The following KSR1 variants were observed in gnomAD, a reference collection of about 807,000 sequenced individuals.
KSR1 encodes kinase suppressor of ras.
A neutral mutation model predicts 92.9 loss-of-function variants in KSR1; 35 were observed. The ratio of observed to expected loss-of-function variants is 0.38; its 90% CI spans 0.29 to 0.50. KSR1 has a LOEUF of 0.50. Among genes scored for constraint, KSR1 ranks in the 20% least tolerant of loss-of-function variants. The pLI, the probability that KSR1 is intolerant of heterozygous loss-of-function variation, is 0.94. For synonymous variants in KSR1, 467 were observed against 472.6 expected, an observed-to-expected ratio of 0.99 and a Z score of 0.15; for missense variants, 972 against 1,158.5, an observed-to-expected ratio of 0.84 and a Z score of 2.34.
intron 18 of KSR1, among the ~76,000 whole-genome samples, chr17:27,616,868 C>T (rs540093662): frequency 3.3e-5 from 5 of 152,316 alleles, no homozygotes; most frequent in Non-Finnish European, 4.4e-5. Flanking sequence ...TCACTCCAGC[C>T]GCCATTCTAG....
intron 1 of KSR1, among the ~76,000 whole-genome samples, chr17:27,503,518 A>G (rs1232071531): frequency 6.6e-6 from 1 of 152,192 alleles, no homozygotes; most frequent in Non-Finnish European, 1.5e-5. Flanking sequence ...ATCTAAAGAG[A>G]AGACAAAATC....
intron 2 of KSR1, among the ~76,000 whole-genome samples, chr17:27,571,501 G>C (rs2072305807): frequency 6.6e-6 from 1 of 152,184 alleles, no homozygotes; most frequent in Non-Finnish European, 1.5e-5. Context: ...CTGGGCTCTG[G>C]CCTCAGAGGG....
intron 2 of KSR1, among the ~76,000 whole-genome samples, chr17:27,555,113 A>G (rs577293409): frequency 6.6e-6 from 1 of 152,238 alleles, no homozygotes; most frequent in African/African-American, 2.4e-5. Flanking sequence ...ATTTTGATTT[A>G]TCATGTCTCC....
At chr17:27,540,063 G>A (rs1481821116) in intron 1 of KSR1, among the ~76,000 whole-genome samples, 1 of 152,208 alleles carries the variant, frequency 6.6e-6, no homozygotes, top group African/African-American at 2.4e-5. Context: ...AGCATCATGG[G>A]TGCTTTTAAA....
At chr17:27,558,930 T>C (rs1439121467) in intron 2 of KSR1, among the ~76,000 whole-genome samples, 1 of 152,196 alleles carries the variant, frequency 6.6e-6, no homozygotes, top group East Asian at 1.9e-4. Flanking sequence ...GCTTCATGAC[T>C]AGGACTTTGA....
intron 1 of KSR1, among the ~76,000 whole-genome samples, chr17:27,534,486 G>C (rs1338976891): frequency 2.0e-5 from 3 of 152,216 alleles, no homozygotes; most frequent in African/African-American, 7.2e-5. Context: ...TTGCAGATAA[G>C]GAAACTGAGG....
intron 1 of KSR1, among the ~76,000 whole-genome samples, chr17:27,524,762 A>C (rs72847762): frequency 0.09 from 13,687 of 152,226 alleles, 832 homozygotes; most frequent in Non-Finnish European, 0.13. Context: ...CTCCAGTAGC[A>C]ATTATAGGAG....
chr17:27,500,898 A>T (rs142387427), intron 1 of KSR1, among the ~76,000 whole-genome samples: 5 of 152,228 alleles, frequency 3.3e-5, no homozygotes, highest in Non-Finnish European at 7.3e-5. Context: ...CCTTGGCTTT[A>T]TCAGGAGATC....
chr17:27,569,981 G>A (rs964971458), intron 2 of KSR1, among the ~76,000 whole-genome samples: 5 of 152,226 alleles, frequency 3.3e-5, no homozygotes, highest in African/African-American at 1.2e-4. Flanking sequence ...GTGACAGCGG[G>A]TGCAGCTGGA....
intron 1 of KSR1, among the ~76,000 whole-genome samples, chr17:27,509,149 T>C (rs2069502954): frequency 6.6e-6 from 1 of 152,170 alleles, no homozygotes; most frequent in Non-Finnish European, 1.5e-5. Flanking sequence ...GTTTCCTACA[T>C]TCCAGGCATT....
chr17:27,577,745 T>G lies in KSR1; in HGVS notation c.520+106T>G, dbSNP rs1429441347. On this transcript the variant is annotated intron_variant, in intron 3 of 20. Transcript: ENST00000644974. The surrounding 1 kb of genome is among the most constrained non-coding windows in gnomAD (Gnocchi z 4.5). ...CGGGGCAAGCGTGGCCCAGGGTTTC[T>G]GGGGCAGCCTGGAAAGGCCAGGGTT... 1 of 954,826 alleles carries G rather than the reference T, an allele frequency of 1.0e-6. No homozygotes were observed. Among genetic ancestry groups the G allele is most frequent in the Non-Finnish European group, 1.6e-6 (1 of 616,366 alleles). 59.1% of individuals were successfully genotyped at this position (954,826 alleles called of 1,614,324 possible).
chr17:27,481,368 C>A (rs965251357), intron 1 of KSR1, among the ~76,000 whole-genome samples: 1 of 152,180 alleles, frequency 6.6e-6, no homozygotes, highest in African/African-American at 2.4e-5. Context: ...TGGCTGATTT[C>A]TTCTGAAGTC....
rs986092730 is a variant in KSR1 at position 27,503,464 on chromosome 17, C to A, written c.231+46590C>A. Among the ~76,000 whole-genome samples, 6 of 152,084 alleles carry A rather than the reference C, an allele frequency of 3.9e-5. No individual in the cohort carries two copies. The East Asian group carries it at 1.2e-3, about 29-fold the overall frequency. ...CTCTAATCCCAGCACTTTGGGAGGC[C>A]GAGGTGGGCAAATCACTTGAGGTCA... On this transcript the variant is annotated intron_variant, in intron 1 of 20. Transcript: ENST00000644974.
chr17:27,562,969 C>T (rs1249099258), intron 2 of KSR1, among the ~76,000 whole-genome samples: 1 of 152,184 alleles, frequency 6.6e-6, no homozygotes, highest in Non-Finnish European at 1.5e-5. Context: ...GCTGCTCTTG[C>T]TGGAAACCTG....
intron 1 of KSR1, among the ~76,000 whole-genome samples, chr17:27,548,813 T>C (rs1017277621): frequency 2.7e-5 from 4 of 148,660 alleles, no homozygotes; most frequent in Non-Finnish European, 3.0e-5. Flanking sequence ...CTGCCAGCCT[T>C]GGTGACCATC....
chr17:27,566,518 TG>T, intron 2 of KSR1: 1 of 399,102 alleles, frequency 2.5e-6, no homozygotes, highest in Non-Finnish European at 4.4e-6. Context: ...CCCCCACCTC[TG>T]GGGATGCCAA....
chr17:27,558,694 CTGT>C, intron 2 of KSR1, among the ~76,000 whole-genome samples: 1 of 135,120 alleles, frequency 7.4e-6, no homozygotes, highest in Non-Finnish European at 1.6e-5. Context: ...GTCTGTCTTT[CTGT>C]TTTTTGTTTT....
intron 18 of KSR1, among the ~76,000 whole-genome samples, chr17:27,616,631 T>A (rs2074062650): frequency 6.6e-6 from 1 of 152,124 alleles, no homozygotes; most frequent in Non-Finnish European, 1.5e-5. Flanking sequence ...AAAGCCTGAG[T>A]TGCTGAGTCT....
In KSR1 at chr17:27,582,883, C is replaced by T. The variant is rs772063252; in HGVS notation, c.758C>T (p.Pro253Leu). 5 of 1,613,216 alleles carry T rather than the reference C, an allele frequency of 3.1e-6. No homozygotes were observed. In the South Asian group the frequency reaches 5.5e-5, roughly 18 times the overall value. ...GAGGGCCTCTCAGACACCTGTATTC[C>T]CCTGCACGCCAGCGGCCGGCTGACC... ...FSEGLSDTCI[P>L]LHASGRLTPR... The change falls in exon 4 of 21, where the codon CCC becomes CTC. Residue 253 changes from proline to leucine, a missense_variant. Physicochemically the swap from Pro to Leu is moderately conservative, Grantham distance 98 (BLOSUM62 -3). Coordinates refer to ENST00000644974, the MANE Select transcript of KSR1 (RefSeq NM_001394583.1).
Sources: allele counts gnomAD v4.1 joint callset (sites outside exome capture counted in the v4.1 genomes callset), GRCh38; gene constraint gnomAD v4.1.1; non-coding constraint Gnocchi (gnomAD v3.1); transcripts MANE v1.5; gene names NCBI Gene and HGNC (gene_info 2026-07-23, HGNC 2026-07-21).